SPAG9: variants seen among roughly 807,000 people sequenced by gnomAD.
SPAG9 encodes the protein C-Jun-amino-terminal kinase-interacting protein 4.
A neutral mutation model predicts 166.5 loss-of-function variants in SPAG9; 35 were observed. The observed-to-expected ratio is 0.21, with a 90% CI of 0.16 to 0.28. The LOEUF (loss-of-function observed/expected upper bound fraction) is 0.28, where lower values mean the gene tolerates loss of function less well. SPAG9 is among the 10% of genes least tolerant of loss of function. SPAG9 has a pLI of 1.00. For missense variants in SPAG9, 1,235 were observed against 1,603.3 expected, an observed-to-expected ratio of 0.77 and a Z score of 3.92; for synonymous variants, 534 against 565.5, an observed-to-expected ratio of 0.94 and a Z score of 0.79.
At chr17:50,970,904 G>A (rs1228319352) in intron 28 of SPAG9, 48 bp from the exon 29 acceptor site, 5 of 1,512,752 alleles carry the variant, frequency 3.3e-6, no homozygotes, top group Admixed American at 4.0e-5. Context: ...ACAGAAGGGA[G>A]GCTGTTTTGT....
chr17:50,962,392 G>A lies in SPAG9; in HGVS notation c.*3880C>T, dbSNP rs1016223178. The A allele has an allele frequency of 6.6e-6, 1 of 152,030 alleles. No individual in the cohort carries two copies. The highest frequency in any genetic ancestry group is 1.5e-5 in the Non-Finnish European group (1 of 68,004). 9.4% of individuals were successfully genotyped at this position (152,030 alleles called of 1,614,324 possible). On this transcript the variant is annotated 3_prime_UTR_variant, in exon 30 of 30. Coordinates refer to ENST00000262013, the MANE Select transcript of SPAG9 (RefSeq NM_001130528.3). The stretch of plus-strand genomic sequence containing the variant: ...AGTAAAATTCTGATAGAATGTCTTG[G>A]ACAAAAAACGAATTTGGAACATAAA...
intron 9 of SPAG9, among the ~76,000 whole-genome samples, chr17:51,011,793 C>T (rs1192416943): frequency 6.6e-6 from 1 of 152,168 alleles, no homozygotes; most frequent in Non-Finnish European, 1.5e-5. Flanking sequence ...AATGTATCAA[C>T]ATCTACAAAA....
intron 1 of SPAG9, among the ~76,000 whole-genome samples, chr17:51,096,006 G>GATATATAT (rs369064263): frequency 3.4e-5 from 3 of 88,580 alleles, no homozygotes; most frequent in African/African-American, 1.5e-4. Context: ...TATATATAGT[G>GATATATAT]ATATATATAT....
intron 19 of SPAG9, among the ~76,000 whole-genome samples, chr17:50,990,907 CTTTTTTTTTTT>C (rs893608311): frequency 3.8e-4 from 52 of 136,928 alleles, no homozygotes; most frequent in Non-Finnish European, 6.9e-4. Context: ...AGAAAATAAA[CTTTTTTTTTTT>C]TTTTTTTGAG....
intron 5 of SPAG9, among the ~76,000 whole-genome samples, chr17:51,039,558 G>C (rs895963319): frequency 6.6e-6 from 1 of 151,998 alleles, no homozygotes; most frequent in Non-Finnish European, 1.5e-5. Flanking sequence ...AGAGAGACAG[G>C]GTTTTGTTTT....
At chr17:50,995,818 C>T (rs2044654804) in intron 16 of SPAG9, 1 of 315,518 alleles carries the variant, frequency 3.2e-6, no homozygotes, top group Admixed American at 4.7e-5. Context: ...CACAGGCCAC[C>T]ACACCCAGCT....
In SPAG9 at chr17:50,993,759, C is replaced by T. The variant is rs1975819077; in HGVS notation, c.2398+5G>A. ...AGGGCAGAGAAACGCATGACTCACTCTTACCTGGCACACTTGCAATGCACA... is the reference window on the plus strand; with the variant it reads ...AGGGCAGAGAAACGCATGACTCACTTTTACCTGGCACACTTGCAATGCACA... On this transcript the variant is annotated splice_donor_5th_base_variant and intron_variant, in intron 19 of 29. Coordinates refer to ENST00000262013, the MANE Select transcript of SPAG9 (RefSeq NM_001130528.3). The T allele has an allele frequency of 1.2e-6, 2 of 1,613,642 alleles. No individual in the cohort carries two copies. The highest frequency in any genetic ancestry group is 2.2e-5 in the South Asian group (2 of 90,996).
At chr17:51,107,774 T>C (rs1195266698) in intron 1 of SPAG9, among the ~76,000 whole-genome samples, 1 of 149,288 alleles carries the variant, frequency 6.7e-6, no homozygotes, top group Non-Finnish European at 1.5e-5. Flanking sequence ...TAATAGATGT[T>C]GCATGTGGCT....
chr17:51,046,710 G>A, intron 4 of SPAG9: 1 of 1,535,868 alleles, frequency 6.5e-7, no homozygotes, highest in Non-Finnish European at 8.7e-7. Context: ...GCCTACACGG[G>A]GGCCAAAGGG....
chr17:51,063,248 A>C (rs2047567413), intron 2 of SPAG9, among the ~76,000 whole-genome samples: 1 of 151,734 alleles, frequency 6.6e-6, no homozygotes, highest in Non-Finnish European at 1.5e-5. Flanking sequence ...ATCTCTACAA[A>C]AAATACAAAA....
chr17:51,046,489 G>C, intron 4 of SPAG9: 16 of 1,528,516 alleles, frequency 1.0e-5, no homozygotes, highest in African/African-American at 1.4e-5. Flanking sequence ...TTCTAAGAGA[G>C]ATGGGAGTAC....
chr17:51,098,029 G>A (rs1004927582), intron 1 of SPAG9, among the ~76,000 whole-genome samples: 1 of 152,130 alleles, frequency 6.6e-6, no homozygotes, highest in African/African-American at 2.4e-5. Context: ...TCATCATGTT[G>A]CTCAGGCTGG....
At chr17:51,027,215 T>A (rs1334755271) in intron 6 of SPAG9, among the ~76,000 whole-genome samples, 1 of 151,994 alleles carries the variant, frequency 6.6e-6, no homozygotes, top group African/African-American at 2.4e-5. Flanking sequence ...GTGGATCACT[T>A]GAGGTCAGAA....
At chr17:51,022,071 T>C (rs1344517106) in intron 6 of SPAG9, among the ~76,000 whole-genome samples, 2 of 141,236 alleles carry the variant, frequency 1.4e-5, no homozygotes, top group East Asian at 4.1e-4. Context: ...TGCAGTGAGC[T>C]GAGATCACGC....
intron 6 of SPAG9, among the ~76,000 whole-genome samples, chr17:51,029,382 C>T (rs1229491585): frequency 1.3e-5 from 2 of 152,108 alleles, no homozygotes; most frequent in African/African-American, 4.8e-5. Flanking sequence ...ATGATGCAAC[C>T]ACTCTGGAAA....
At chr17:51,115,422 T>C (rs1341078188) in intron 1 of SPAG9, among the ~76,000 whole-genome samples, 1 of 151,454 alleles carries the variant, frequency 6.6e-6, no homozygotes, top group Non-Finnish European at 1.5e-5. Flanking sequence ...CATCCTTTTT[T>C]TTTTTTTTTT....
At chr17:51,022,590 T>G (rs757998215) in intron 6 of SPAG9, among the ~76,000 whole-genome samples, 3 of 151,634 alleles carry the variant, frequency 2.0e-5, no homozygotes, top group African/African-American at 7.3e-5. Flanking sequence ...ACCCAGGTTT[T>G]AAGAAAAGAG....
At chr17:51,113,976 CAG>C (rs2049204516) in intron 1 of SPAG9, among the ~76,000 whole-genome samples, 2 of 152,232 alleles carry the variant, frequency 1.3e-5, no homozygotes, top group African/African-American at 2.4e-5. Flanking sequence ...GCCTGGGCAA[CAG>C]AGTGAGATCT....
At chr17:51,026,337 A>T (rs956126136) in intron 6 of SPAG9, among the ~76,000 whole-genome samples, 8 of 151,754 alleles carry the variant, frequency 5.3e-5, no homozygotes, top group Admixed American at 3.3e-4. Flanking sequence ...AAAAAAAAAA[A>T]AAAAAAAATA....
Sources: allele counts gnomAD v4.1 joint callset (sites outside exome capture counted in the v4.1 genomes callset), GRCh38; gene constraint gnomAD v4.1.1; transcripts MANE v1.5; gene names NCBI Gene and HGNC (gene_info 2026-07-23, HGNC 2026-07-21).